The following ABCA4 variants were observed in gnomAD, a reference collection of about 807,000 sequenced individuals.
ABCA4 encodes the protein retinal-specific phospholipid-transporting ATPase ABCA4.
Under a neutral mutation model 263.7 loss-of-function variants are expected in ABCA4, and 196 were observed. The ratio of observed to expected loss-of-function variants is 0.74; its 90% CI spans 0.66 to 0.84. ABCA4 has a LOEUF of 0.84. ABCA4 is among the 40% of genes least tolerant of loss of function. ABCA4 has a pLI of 0.00. For missense variants in ABCA4, 2,792 were observed against 2,855.1 expected (o/e 0.98, Z 0.50); for synonymous variants, 1,133 against 1,094.2 (o/e 1.04, Z -0.70).
chr1:94,025,392 G>T (rs1660011329), intron 30 of ABCA4, among the ~76,000 whole-genome samples: 2 of 151,984 alleles, frequency 1.3e-5, no homozygotes, highest in Admixed American at 1.3e-4. Flanking sequence ...TCCTTGGTCT[G>T]CCAACTTCCG....
At chr1:94,001,667 G>T in intron 45 of ABCA4, 191 bp downstream of exon 45, 1 of 824,978 alleles carries the variant, frequency 1.2e-6, no homozygotes, top group Non-Finnish European at 2.0e-6. Flanking sequence ...GCTGTGCCGT[G>T]ACTTGTTTTT....
intron 16 of ABCA4, among the ~76,000 whole-genome samples, chr1:94,052,371 G>C (rs1195406262): frequency 6.6e-6 from 1 of 152,134 alleles, no homozygotes; most frequent in East Asian, 1.9e-4. Context: ...TGTTGATTTT[G>C]TAAAATCATG....
At chr1:94,048,998 C>G in intron 17 of ABCA4, 41 bp from the exon 18 acceptor site, 1 of 1,605,152 alleles carries the variant, frequency 6.2e-7, no homozygotes, top group Non-Finnish European at 8.5e-7. Context: ...CCACCGGGAG[C>G]TGAGAACGAG....
rs562587452 is a variant in ABCA4 at position 94,029,751 on chromosome 1, A to C, written c.4353-120T>G. The C allele has an allele frequency of 6.1e-6, 6 of 990,608 alleles. No individual in the cohort carries two copies. The South Asian group carries it at 7.0e-5, about 11-fold the overall frequency. 61.4% of individuals were successfully genotyped at this position (990,608 alleles called of 1,614,324 possible). A position where few individuals can be genotyped will look rare whatever the true frequency, so the allele number is the denominator to read the frequency against. On this transcript the variant is annotated intron_variant, in intron 29 of 49. Transcript: ENST00000370225. ...CTTTAGACCCAGGCCCTTTCTTCTT[A>C]TTCTCTTGGAGGCTGGTTTCTGCTC... is the stretch of plus-strand genomic sequence containing the variant.
intron 1 of ABCA4, among the ~76,000 whole-genome samples, chr1:94,115,409 G>A (rs1662732207): frequency 6.6e-6 from 1 of 152,148 alleles, no homozygotes; most frequent in Middle Eastern, 3.2e-3. Context: ...CAACCACTTT[G>A]GGGCTTGCTT....
At position 94,029,548 on chromosome 1, in the gene ABCA4, C is replaced by T. The variant is rs61752434; in HGVS notation, c.4436G>A (p.Trp1479Ter). The T allele has an allele frequency of 1.2e-6, 2 of 1,613,296 alleles. No individual in the cohort carries two copies. The highest frequency in any genetic ancestry group is 1.7e-5 in the Admixed American group (1 of 59,926). The stretch of plus-strand genomic sequence containing the variant: ...GGATGGTGAAGGGTTGACCTGTGTC[C>T]ATTTCTGCTTCTGGAACAGCTGGGT... ...NITQLFQKQK[W>*]TQVNPSPSCR... The change falls in exon 30 of 50, where the codon TGG becomes TAG. Residue 1479 changes from tryptophan (W) to a stop codon, truncating the protein, a stop_gained. Coordinates refer to ENST00000370225, the MANE Select transcript of ABCA4 (RefSeq NM_000350.3). LOFTEE classifies it high-confidence loss of function.
intron 6 of ABCA4, among the ~76,000 whole-genome samples, chr1:94,087,860 C>T (rs530796896): frequency 1.3e-5 from 2 of 152,276 alleles, no homozygotes; most frequent in South Asian, 4.2e-4. Flanking sequence ...GAAACAAAGT[C>T]CTCCCTTCAT....
intron 44 of ABCA4, among the ~76,000 whole-genome samples, chr1:94,003,295 A>G (rs1659244780): frequency 6.7e-6 from 1 of 149,524 alleles, no homozygotes; most frequent in African/African-American, 2.5e-5. Flanking sequence ...GATCAGAGAT[A>G]TTTCCATAGC....
At chr1:94,025,823 T>C (rs1257497738) in intron 30 of ABCA4, among the ~76,000 whole-genome samples, 3 of 152,176 alleles carry the variant, frequency 2.0e-5, no homozygotes, top group African/African-American at 7.2e-5. Context: ...TAATCCCCCG[T>C]AGGATATCAT....
At chr1:94,031,709 C>T (rs1660207997) in intron 27 of ABCA4, 69 bp downstream of exon 27, 1 of 1,596,120 alleles carries the variant, frequency 6.3e-7, no homozygotes, top group African/African-American at 1.3e-5. Flanking sequence ...TGAAGGAACA[C>T]TCAGGAGAGG....
In ABCA4 at chr1:93,996,140, G is replaced by C. The variant is rs1283482726; in HGVS notation, c.6785C>G (p.Pro2262Arg). Residue 2262 changes from proline (P) to arginine (R), a missense_variant, in exon 49 of 50, where the codon CCT becomes CGT. By Grantham distance (103) the Pro-to-Arg change is moderately radical (BLOSUM62 -2). Transcript: ENST00000370225. The part of the protein sequence containing the change: ...QTESHDLPLH[P>R]RAAGASRQAQ... The stretch of plus-strand genomic sequence containing the variant: ...TTGTCGACTGGCTCCAGCAGCTCGA[G>C]GGTGCAGAGGGAGGTCATGACTTTC... 1.2e-6 allele frequency: 2 copies of C among 1,614,048 alleles called. No individual in the cohort carries two copies. Among genetic ancestry groups the C allele is most frequent in the Admixed American group, 3.3e-5 (2 of 60,028 alleles).
chr1:93,993,703 G>A (rs528325267), intron 49 of ABCA4, among the ~76,000 whole-genome samples: 2 of 152,160 alleles, frequency 1.3e-5, no homozygotes, highest in East Asian at 3.9e-4. Context: ...CTGGGGGAGG[G>A]GAGAGATGAG....
chr1:94,081,447 T>C (rs1434163712), intron 7 of ABCA4, among the ~76,000 whole-genome samples: 1 of 152,168 alleles, frequency 6.6e-6, no homozygotes, highest in African/African-American at 2.4e-5. Flanking sequence ...GGAATGATTC[T>C]GTTGTAGAAA....
intron 6 of ABCA4, among the ~76,000 whole-genome samples, chr1:94,096,360 G>T (rs1662124114): frequency 6.6e-6 from 1 of 152,196 alleles, no homozygotes; most frequent in Admixed American, 6.5e-5. Context: ...AGGCTGCACT[G>T]CTGTGAAATG....
chr1:93,998,017 C>A lies in ABCA4; in HGVS notation c.6573G>T (p.Gly2191=). ...CCCTCTGCACACTGCCTGGGAAGTT[C>A]CCCTGGAAGAACTGCTCCACAGGGT... The part of the protein sequence containing the change: ...DLNPVEQFFQ[G]NFPGSVQRER... The change falls in exon 48 of 50, where the codon GGG becomes GGT. Residue 2191 remains glycine, a synonymous_variant. Transcript: ENST00000370225. 6.2e-7 allele frequency: 1 copy of A among 1,614,152 alleles called. No homozygotes were observed. Among genetic ancestry groups the A allele is most frequent in the Non-Finnish European group, 8.5e-7 (1 of 1,180,028 alleles).
At chr1:94,104,870 C>T (rs1662383840) in intron 4 of ABCA4, among the ~76,000 whole-genome samples, 1 of 152,188 alleles carries the variant, frequency 6.6e-6, no homozygotes, top group Non-Finnish European at 1.5e-5. Flanking sequence ...TCCCTGGGTG[C>T]CAGCTCCATT....
intron 30 of ABCA4, among the ~76,000 whole-genome samples, chr1:94,025,264 C>T (rs112427522): frequency 1.1e-3 from 171 of 152,214 alleles, no homozygotes; most frequent in African/African-American, 3.9e-3. Flanking sequence ...GACAGAATGG[C>T]GTCACTCCAA....
At chr1:94,117,986 C>T (rs575168599) in intron 1 of ABCA4, among the ~76,000 whole-genome samples, 1 of 152,266 alleles carries the variant, frequency 6.6e-6, no homozygotes, top group South Asian at 2.1e-4. Context: ...AATTATATGG[C>T]CACTCTATCT....
chr1:93,998,959 C>A (rs1659098903), intron 47 of ABCA4, among the ~76,000 whole-genome samples: 1 of 150,532 alleles, frequency 6.6e-6, no homozygotes, highest in Admixed American at 6.6e-5. Context: ...CTATGTTGGC[C>A]AGGCTGGTCT....
Sources: allele counts gnomAD v4.1 joint callset (sites outside exome capture counted in the v4.1 genomes callset), GRCh38; gene constraint gnomAD v4.1.1; transcripts MANE v1.5; gene names NCBI Gene and HGNC (gene_info 2026-07-23, HGNC 2026-07-21).